Variants in SGCG observed in about 807,000 individuals in gnomAD.
The protein encoded by SGCG is sarcoglycan gamma.
In SGCG, 26 loss-of-function variants were observed where a neutral mutation model predicts 29.3. The ratio of observed to expected loss-of-function variants is 0.89; its 90% CI spans 0.65 to 1.23. The LOEUF (loss-of-function observed/expected upper bound fraction) is 1.23. Among genes scored for constraint, SGCG ranks in the 50% most tolerant of loss-of-function variants. The probability of loss-of-function intolerance (pLI) is 0.00; values close to 1 mark genes in which losing one functional copy is unlikely to be tolerated. For missense variants in SGCG, 353 were observed against 356.0 expected, an observed-to-expected ratio of 0.99 and a Z score of 0.07; for synonymous variants, 145 against 129.7, an observed-to-expected ratio of 1.12 and a Z score of -0.80.
intron 4 of SGCG, among the ~76,000 whole-genome samples, chr13:23,271,953 T>C (rs368814377): frequency 2.0e-5 from 3 of 152,348 alleles, no homozygotes; most frequent in South Asian, 2.1e-4. Flanking sequence ...CACTATTATT[T>C]ATTTTAACTT....
In SGCG at chr13:23,283,212, T is replaced by C. The variant is rs541930982; in HGVS notation, c.505+3734T>C. 3.6e-4 allele frequency among the ~76,000 whole-genome samples: 55 copies of C among 152,288 alleles called. 2 individuals are homozygous for C. In the South Asian group the frequency reaches 0.011, roughly 31 times the overall value. On this transcript the variant is annotated intron_variant, in intron 5 of 7. Transcript: ENST00000218867. ...TCATTAATGTGTCTAATATTGACAG[T>C]GGGATGTTAAAGTCTCCTACTATTA... is the stretch of plus-strand genomic sequence containing the variant.
At chr13:23,198,108 A>G (rs1363458424) in intron 1 of SGCG, among the ~76,000 whole-genome samples, 1 of 152,228 alleles carries the variant, frequency 6.6e-6, no homozygotes, top group Non-Finnish European at 1.5e-5. Flanking sequence ...ATTATAACTC[A>G]TTCTTTGAGT....
intron 3 of SGCG, among the ~76,000 whole-genome samples, chr13:23,239,891 G>A (rs1879444214): frequency 6.6e-6 from 1 of 152,030 alleles, no homozygotes; most frequent in Non-Finnish European, 1.5e-5. Flanking sequence ...GGAGGCAAAG[G>A]AAACAAAGAG....
intron 6 of SGCG, among the ~76,000 whole-genome samples, chr13:23,315,926 A>G (rs1393946945): frequency 6.6e-6 from 1 of 152,150 alleles, no homozygotes; most frequent in Non-Finnish European, 1.5e-5. Flanking sequence ...GATTTTAATA[A>G]TCAAGTGGAT....
chr13:23,306,029 A>T (rs1882347627), intron 6 of SGCG, among the ~76,000 whole-genome samples: 1 of 151,622 alleles, frequency 6.6e-6, no homozygotes, highest in Non-Finnish European at 1.5e-5. Flanking sequence ...CACTACAATT[A>T]TTATTATTAT....
chr13:23,209,645 C>T (rs481323), intron 2 of SGCG, among the ~76,000 whole-genome samples: 37,268 of 152,066 alleles, frequency 0.25, 4,893 homozygotes, highest in Middle Eastern at 0.33. Flanking sequence ...TTTCTGAAAT[C>T]CCATTTGCAT....
rs559877939 is a variant in SGCG at position 23,225,216 on chromosome 13, C to T, written c.196-9395C>T. Among the ~76,000 whole-genome samples the T allele has an allele frequency of 1.5e-4, 23 of 152,280 alleles. No homozygotes were observed. In the East Asian group the frequency reaches 4.4e-3, roughly 29 times the overall value. ...CACCCAAAGTCCACATCCTAACACC[C>T]AAATGTTACCTTCCATGGCCGAAGG... On this transcript the variant is annotated intron_variant, in intron 2 of 7. Coordinates refer to ENST00000218867, the MANE Select transcript of SGCG (RefSeq NM_000231.3).
At chr13:23,241,236 C>G (rs1879500072) in intron 3 of SGCG, among the ~76,000 whole-genome samples, 1 of 150,968 alleles carries the variant, frequency 6.6e-6, no homozygotes, top group Non-Finnish European at 1.5e-5. Context: ...GACCAAAAAT[C>G]AAAGACAGAA....
intron 6 of SGCG, among the ~76,000 whole-genome samples, chr13:23,309,824 A>G (rs541363607): frequency 3.9e-4 from 59 of 152,256 alleles, no homozygotes; most frequent in African/African-American, 1.3e-3. Flanking sequence ...TTCCACTTCA[A>G]TGTATTTAAT....
chr13:23,236,785 A>AT (rs1381559622), intron 3 of SGCG, among the ~76,000 whole-genome samples: 1 of 152,192 alleles, frequency 6.6e-6, no homozygotes, highest in African/African-American at 2.4e-5. Context: ...AATATCTTAG[A>AT]TAATCACATA....
In SGCG at chr13:23,188,311, C is replaced by CTTTT. The variant is rs71100159; in HGVS notation, c.-1+7264_-1+7267dup. Among the ~76,000 whole-genome samples the CTTTT allele has an allele frequency of 4.6e-4, 36 of 78,338 alleles. 5 individuals are homozygous for CTTTT. The highest frequency in any genetic ancestry group is 1.0e-3 in the African/African-American group (21 of 20,256). The allele number at this position is 78,338 out of a possible 152,430, so 51.4% of individuals were successfully genotyped here. ...CGTCTGAACACATCTTTTACTAAGG[C>CTTTT]TTTTTTTTTTTTTTTTTTTTTTTTT... On this transcript the variant is annotated intron_variant, in intron 1 of 7. Coordinates refer to ENST00000218867, the MANE Select transcript of SGCG (RefSeq NM_000231.3).
upstream of SGCG, among the ~76,000 whole-genome samples, chr13:23,176,735 A>G (rs1220043215): frequency 6.6e-6 from 1 of 152,068 alleles, no homozygotes; most frequent in East Asian, 1.9e-4. Flanking sequence ...ATGGAAGGTT[A>G]TTGTCGATAG....
intron 4 of SGCG, among the ~76,000 whole-genome samples, chr13:23,279,122 T>C (rs1190683697): frequency 2.0e-5 from 3 of 152,206 alleles, no homozygotes; most frequent in South Asian, 4.1e-4. Flanking sequence ...AATAATGTAT[T>C]TGTACATATA....
chr13:23,285,577 A>G (rs771581765), intron 5 of SGCG, among the ~76,000 whole-genome samples: 18 of 152,128 alleles, frequency 1.2e-4, no homozygotes, highest in Non-Finnish European at 1.8e-4. Context: ...AGCTAGACCA[A>G]TTGGCTCCCT....
At chr13:23,307,776 C>T (rs1882412787) in intron 6 of SGCG, among the ~76,000 whole-genome samples, 1 of 152,062 alleles carries the variant, frequency 6.6e-6, no homozygotes, top group Admixed American at 6.5e-5. Flanking sequence ...AATTTCAAGG[C>T]TCATCATTGT....
chr13:23,317,016 C>A (rs1471911436), intron 6 of SGCG, among the ~76,000 whole-genome samples: 2 of 152,096 alleles, frequency 1.3e-5, no homozygotes, highest in African/African-American at 4.8e-5. Flanking sequence ...ACCATCCTGG[C>A]TAACACAGTG....
intron 3 of SGCG, among the ~76,000 whole-genome samples, chr13:23,250,041 T>C (rs1256402470): frequency 6.6e-6 from 1 of 152,234 alleles, no homozygotes; most frequent in Non-Finnish European, 1.5e-5. Flanking sequence ...TTTTTCTTTC[T>C]GTTCTCTGAT....
At chr13:23,280,992 T>C (rs1363963138) in intron 5 of SGCG, among the ~76,000 whole-genome samples, 1 of 152,096 alleles carries the variant, frequency 6.6e-6, no homozygotes, top group Non-Finnish European at 1.5e-5. Context: ...ACTGTATTAT[T>C]TATTACCTGT....
At chr13:23,213,549 A>G (rs987501877) in intron 2 of SGCG, among the ~76,000 whole-genome samples, 1 of 152,214 alleles carries the variant, frequency 6.6e-6, no homozygotes, top group Non-Finnish European at 1.5e-5. Context: ...TTGATCATTT[A>G]CTGAACTTAA....
Sources: allele counts gnomAD v4.1 joint callset (sites outside exome capture counted in the v4.1 genomes callset), GRCh38; gene constraint gnomAD v4.1.1; transcripts MANE v1.5; gene names NCBI Gene and HGNC (gene_info 2026-07-23, HGNC 2026-07-21).